The following ZNF362 variants were observed in gnomAD, a reference collection of about 807,000 sequenced individuals.
ZNF362 encodes rotund homolog.
A neutral mutation model predicts 42.9 loss-of-function variants in ZNF362; 11 were observed. The ratio of observed to expected loss-of-function variants is 0.26; its 90% CI spans 0.16 to 0.42. The LOEUF (loss-of-function observed/expected upper bound fraction) is 0.42. Ranked by LOEUF, ZNF362 falls within the 20% of genes least tolerant of loss-of-function variation. The pLI is 1.00. For missense variants in ZNF362, 362 were observed against 576.2 expected (o/e 0.63, Z 3.81); for synonymous variants, 255 against 257.3 (o/e 0.99, Z 0.09).
At position 33,281,979 on chromosome 1, in the gene ZNF362, C is replaced by T. The variant is rs1050247226; in HGVS notation, c.908+168C>T. 14 of 636,636 alleles carry T rather than the reference C, an allele frequency of 2.2e-5. No individual in the cohort carries two copies. The highest frequency in any genetic ancestry group is 1.1e-4 in the Admixed American group (4 of 35,468). 39.4% of individuals were successfully genotyped at this position (636,636 alleles called of 1,614,324 possible). A position where few individuals can be genotyped will look rare whatever the true frequency, so the allele number is the denominator to read the frequency against. On this transcript the variant is annotated intron_variant, in intron 6 of 8. Transcript: ENST00000539719. This position sits in a 1 kb window ranked among gnomAD's most constrained non-coding sequence, Gnocchi z 4.8. ...GGCCTCAGCTGTTGTTACTGCACCC[C>T]GTCCCCACTGTTTCTCATCTCTAGG... is the stretch of plus-strand genomic sequence containing the variant.
chr1:33,198,694 G>A, the ZNF362 span, among the ~76,000 whole-genome samples: 1 of 11,466 alleles, frequency 8.7e-5, no homozygotes, highest in Non-Finnish European at 2.7e-4. Flanking sequence ...AAAGTCAATC[G>A]TCAATCAATC....
intron 6 of ZNF362, among the ~76,000 whole-genome samples, chr1:33,287,314 C>A (rs1309318512): frequency 6.6e-6 from 1 of 152,114 alleles, no homozygotes; most frequent in Non-Finnish European, 1.5e-5. Flanking sequence ...ATGTTGAGAC[C>A]CATCTCTACA....
In ZNF362 at chr1:33,280,606, G is replaced by C. The variant is rs952224699; in HGVS notation, c.683+149G>C. On this transcript the variant is annotated intron_variant, in intron 5 of 8. Coordinates refer to ENST00000539719, the MANE Select transcript of ZNF362 (RefSeq NM_152493.3). This position sits in a 1 kb window ranked among gnomAD's most constrained non-coding sequence, Gnocchi z 5.6. The stretch of plus-strand genomic sequence containing the variant: ...CCAGAGGGGCGGGGCCTTCTGGAGA[G>C]CCCCACCCACATCCCAAGTCCCAGT... 3.6e-6 allele frequency: 5 copies of C among 1,400,982 alleles called. No homozygotes were observed. The highest frequency in any genetic ancestry group is 4.7e-6 in the Non-Finnish European group (5 of 1,066,924). 86.8% of individuals were successfully genotyped at this position (1,400,982 alleles called of 1,614,324 possible). A position where few individuals can be genotyped will look rare whatever the true frequency, so the allele number is the denominator to read the frequency against.
chr1:33,191,749 C>T, the ZNF362 span, among the ~76,000 whole-genome samples: 7 of 152,318 alleles, frequency 4.6e-5, no homozygotes, highest in Middle Eastern at 0.01. Context: ...AGGTGATTCA[C>T]CTGCCTCAAC....
the ZNF362 span, among the ~76,000 whole-genome samples, chr1:33,224,604 G>A: frequency 6.6e-6 from 1 of 152,254 alleles, no homozygotes; most frequent in African/African-American, 2.4e-5. Flanking sequence ...ATAATTTGAA[G>A]AGACCTATAA....
At chr1:33,135,808 A>G in the ZNF362 span, among the ~76,000 whole-genome samples, 6 of 152,206 alleles carry the variant, frequency 3.9e-5, no homozygotes, top group South Asian at 2.1e-4. Flanking sequence ...GCTCTTTGAT[A>G]TAGACCTGGG....
the ZNF362 span, among the ~76,000 whole-genome samples, chr1:33,174,977 A>ATT: frequency 2.9e-4 from 40 of 136,332 alleles, no homozygotes; most frequent in African/African-American, 1.1e-3. Flanking sequence ...ATACACACAT[A>ATT]TACATATATA....
At chr1:33,264,128 AG>A (rs1645847819) in intron 1 of ZNF362, among the ~76,000 whole-genome samples, 1 of 152,190 alleles carries the variant, frequency 6.6e-6, no homozygotes, top group Non-Finnish European at 1.5e-5. Context: ...ACTGCCTGCC[AG>A]GGGTTCCCTG....
At chr1:33,263,658 A>G (rs916959637) in intron 1 of ZNF362, among the ~76,000 whole-genome samples, 1 of 152,132 alleles carries the variant, frequency 6.6e-6, no homozygotes, top group Non-Finnish European at 1.5e-5. Flanking sequence ...TGATCCACCC[A>G]CTTTGGCCTC....
the ZNF362 span, among the ~76,000 whole-genome samples, chr1:33,218,531 C>T: frequency 6.6e-6 from 1 of 152,188 alleles, no homozygotes; most frequent in Non-Finnish European, 1.5e-5. Context: ...TTTCTCAGCA[C>T]TCTTTCTAAA....
the ZNF362 span, among the ~76,000 whole-genome samples, chr1:33,171,976 T>TGG: frequency 6.6e-6 from 1 of 152,094 alleles, no homozygotes; most frequent in East Asian, 1.9e-4. Flanking sequence ...GAGATGGGGT[T>TGG]TCACCATGTT....
At position 33,266,623 on chromosome 1, in the gene ZNF362, T is replaced by G. The variant is rs1645866851; in HGVS notation, c.-88-3864T>G. On this transcript the variant is annotated intron_variant, in intron 1 of 8. Transcript: ENST00000539719. The surrounding 1 kb of genome is among the most constrained non-coding windows in gnomAD (Gnocchi z 4.3). ...ACTAAGAACCAGACCAAGCCCTGCT[T>G]TTGGGGAGCCCACAGCCTACATGGG... 1.3e-5 allele frequency among the ~76,000 whole-genome samples: 2 copies of G among 152,284 alleles called. No individual in the cohort carries two copies. The highest frequency in any genetic ancestry group is 4.1e-4 in the South Asian group (2 of 4,828).
At chr1:33,293,288 T>C (rs1272790669) in intron 6 of ZNF362, among the ~76,000 whole-genome samples, 1 of 152,098 alleles carries the variant, frequency 6.6e-6, no homozygotes, top group Non-Finnish European at 1.5e-5. Context: ...TTATCAGACA[T>C]GGCTGGCAGG....
intron 1 of ZNF362, chr1:33,261,688 A>G (rs1645828809): frequency 6.6e-6 from 1 of 152,368 alleles, no homozygotes; most frequent in South Asian, 2.1e-4. Context: ...ACATTTATGT[A>G]TGCAATTCTT....
At chr1:33,219,329 C>T in the ZNF362 span, among the ~76,000 whole-genome samples, 1 of 152,214 alleles carries the variant, frequency 6.6e-6, no homozygotes. Flanking sequence ...AGCCCACTTC[C>T]CAACCTCTGC....
the ZNF362 span, among the ~76,000 whole-genome samples, chr1:33,250,890 A>G: frequency 2.6e-5 from 4 of 150,956 alleles, no homozygotes; most frequent in African/African-American, 4.9e-5. Flanking sequence ...GAAGAAGAAG[A>G]AGAAGGAGAA....
At chr1:33,276,740 C>G (rs938080387) in intron 4 of ZNF362, 146 bp downstream of exon 4, 84 of 1,057,538 alleles carry the variant, frequency 7.9e-5, no homozygotes, top group Admixed American at 2.7e-4. Flanking sequence ...CTTGGAGTGG[C>G]GGGGTTGGCC....
At chr1:33,133,775 G>A in the ZNF362 span, among the ~76,000 whole-genome samples, 1 of 152,344 alleles carries the variant, frequency 6.6e-6, no homozygotes, top group Non-Finnish European at 1.5e-5. Context: ...CGACACGGAG[G>A]AGGCATGGTG....
the ZNF362 span, among the ~76,000 whole-genome samples, chr1:33,247,120 C>T: frequency 1.3e-5 from 2 of 152,180 alleles, no homozygotes; most frequent in African/African-American, 2.4e-5. Flanking sequence ...CTGTTCAACC[C>T]TTTCTAGAAT....
Sources: gnomAD v4.1 joint callset for allele counts (sites outside exome capture counted in the v4.1 genomes callset) on GRCh38, gnomAD v4.1.1 for gene constraint, Gnocchi (gnomAD v3.1) non-coding constraint, MANE v1.5 for transcripts, NCBI Gene and HGNC (gene_info 2026-07-23, HGNC 2026-07-21) for gene names.